The following TPRX2 variants were observed in gnomAD, a reference collection of about 807,000 sequenced individuals.
TPRX2 encodes the protein tetrapeptide repeat homeobox protein 2.
chr19:47,860,729 C>T, the TPRX2 span: 1 of 1,465,580 alleles, frequency 6.8e-7, no homozygotes, highest in Non-Finnish European at 9.0e-7. Flanking sequence ...AGGCCGGCGC[C>T]GCCCCCGAGC....
At chr19:47,860,728 C>A in the TPRX2 span, 5 of 1,464,852 alleles carry the variant, frequency 3.4e-6, no homozygotes, top group Non-Finnish European at 4.5e-6. Flanking sequence ...GAGGCCGGCG[C>A]CGCCCCCGAG....
chr19:47,860,320 C>T, the TPRX2 span: 3 of 1,421,172 alleles, frequency 2.1e-6, no homozygotes, highest in Non-Finnish European at 2.9e-6. Flanking sequence ...CCCCAGTCAC[C>T]CCAAGGAGCC....
chr19:47,860,177 C>G, the TPRX2 span: 1 of 1,468,646 alleles, frequency 6.8e-7, no homozygotes, highest in Non-Finnish European at 9.3e-7. Flanking sequence ...ACACTGAAAG[C>G]CAGCAGAAAG....
the TPRX2 span, among the ~76,000 whole-genome samples, chr19:47,859,307 A>G: frequency 6.7e-6 from 1 of 150,018 alleles, no homozygotes; most frequent in Non-Finnish European, 1.5e-5. Context: ...GCCTGGGCTG[A>G]TCCTGTGGCT....
the TPRX2 span, chr19:47,860,378 C>A: frequency 1.5e-6 from 1 of 664,428 alleles, no homozygotes; most frequent in Non-Finnish European, 2.7e-6. Flanking sequence ...GACCACCTCC[C>A]GCCCTGCCAC....
the TPRX2 span, among the ~76,000 whole-genome samples, chr19:47,860,487 C>G: frequency 6.6e-6 from 1 of 151,622 alleles, no homozygotes; most frequent in Non-Finnish European, 1.5e-5. Flanking sequence ...CAGGCTGTCC[C>G]CCACGGGGTC....
chr19:47,860,838 G>A, the TPRX2 span: 5 of 1,533,566 alleles, frequency 3.3e-6, no homozygotes, highest in Non-Finnish European at 4.4e-6. Flanking sequence ...ACTAGCTCGG[G>A]AGCGGCGGCT....
At chr19:47,861,572 T>A in the TPRX2 span, 29 of 1,095,158 alleles carry the variant, frequency 2.6e-5, no homozygotes, top group African/African-American at 4.2e-4. Context: ...TGATCTACAC[T>A]GCTGGTGACT....
At chr19:47,861,049 G>T in the TPRX2 span, 1 of 805,758 alleles carries the variant, frequency 1.2e-6, no homozygotes, top group Non-Finnish European at 2.1e-6. Context: ...CGGACCTGGG[G>T]TGGCCCTGAG....
the TPRX2 span, among the ~76,000 whole-genome samples, chr19:47,859,733 A>G: frequency 9.4e-5 from 14 of 149,344 alleles, no homozygotes; most frequent in African/African-American, 3.4e-4. Flanking sequence ...AGAAGGAAAG[A>G]AATTAAACCA....
At chr19:47,861,020 G>A in the TPRX2 span, 11 of 957,552 alleles carry the variant, frequency 1.1e-5, no homozygotes, top group Non-Finnish European at 1.8e-5. Context: ...CAGCAGAACC[G>A]AAGATCTACA....
At chr19:47,860,746 C>G in the TPRX2 span, 1 of 1,499,172 alleles carries the variant, frequency 6.7e-7, no homozygotes, top group South Asian at 1.3e-5. Context: ...GAGCGGCTCA[C>G]CCGGGCCGCG....
the TPRX2 span, chr19:47,860,022 T>G: frequency 1.6e-6 from 2 of 1,257,402 alleles, no homozygotes; most frequent in Non-Finnish European, 1.1e-6. Context: ...CCACACTGCC[T>G]GGGCTCCTGG....
chr19:47,859,414 G>C, the TPRX2 span, among the ~76,000 whole-genome samples: 1 of 150,952 alleles, frequency 6.6e-6, no homozygotes, highest in Non-Finnish European at 1.5e-5. Context: ...GTGGTGTCTG[G>C]GAAATGAAAA....
chr19:47,861,290 A>C, the TPRX2 span: 11 of 495,026 alleles, frequency 2.2e-5, no homozygotes, highest in Non-Finnish European at 3.2e-5. Context: ...TGCCAGGCCC[A>C]GGATCACTCC....
chr19:47,861,301 C>G, the TPRX2 span: 2 of 489,414 alleles, frequency 4.1e-6, no homozygotes, highest in Admixed American at 4.6e-5. Flanking sequence ...GGATCACTCC[C>G]AACCCCAGCC....
At chr19:47,860,990 C>T in the TPRX2 span, 1 of 1,213,164 alleles carries the variant, frequency 8.2e-7, no homozygotes, top group Non-Finnish European at 1.2e-6. Context: ...CTCAGCCGGG[C>T]CCCTGGGGAG....
At chr19:47,861,043 C>G in the TPRX2 span, 13 of 833,764 alleles carry the variant, frequency 1.6e-5, no homozygotes, top group Non-Finnish European at 2.6e-5. Context: ...CTCCCCCGGA[C>G]CTGGGGTGGC....
At chr19:47,860,507 C>T in the TPRX2 span, among the ~76,000 whole-genome samples, 1 of 151,624 alleles carries the variant, frequency 6.6e-6, no homozygotes, top group Non-Finnish European at 1.5e-5. Flanking sequence ...CTCCCGGTGC[C>T]CGGACCTCAG....
Sources: gnomAD v4.1 joint callset for allele counts (sites outside exome capture counted in the v4.1 genomes callset) on GRCh38, gnomAD v4.1.1 for gene constraint, MANE v1.5 for transcripts, NCBI Gene and HGNC (gene_info 2026-07-23, HGNC 2026-07-21) for gene names.